CFAP299: variants seen among roughly 807,000 people sequenced by gnomAD.
The protein encoded by CFAP299 is cilia- and flagella-associated protein 299.
In CFAP299, 21 loss-of-function variants were observed where a neutral mutation model predicts 27.0. That is an observed-to-expected ratio of 0.78 (90% CI 0.55 to 1.12). CFAP299 has a LOEUF of 1.12. CFAP299 is among the 50% of genes most tolerant of loss of function. The probability of loss-of-function intolerance (pLI) is 0.00; values close to 1 mark genes in which losing one functional copy is unlikely to be tolerated. For synonymous variants in CFAP299, 104 were observed against 98.1 expected (o/e 1.06, Z -0.36); for missense variants, 310 against 276.6 (o/e 1.12, Z -0.86).
chr4:80,545,497 T>C (rs1047378961), intron 2 of CFAP299, among the ~76,000 whole-genome samples: 5 of 151,920 alleles, frequency 3.3e-5, no homozygotes, highest in Admixed American at 3.3e-4. Flanking sequence ...TTCGAAAACC[T>C]AGAAGAAATT....
chr4:80,732,605 C>T (rs1360927856), intron 3 of CFAP299, among the ~76,000 whole-genome samples: 1 of 152,124 alleles, frequency 6.6e-6, no homozygotes, highest in Non-Finnish European at 1.5e-5. Context: ...TTCCTTCCAT[C>T]ACAAACTCTT....
At chr4:80,763,131 G>A (rs913689841) in intron 3 of CFAP299, among the ~76,000 whole-genome samples, 5 of 152,146 alleles carry the variant, frequency 3.3e-5, no homozygotes, top group African/African-American at 9.7e-5. Flanking sequence ...AAGAAGTAAA[G>A]TGTATTTAAA....
rs187115748 is a variant in CFAP299 at position 80,789,811 on chromosome 4, A to T, written c.334-80182A>T. ...TCTCATCAAGCATAAACATTTATTAATCTGCTCAGATATTTTAAAGCTGTG... is the reference window on the plus strand; with the variant it reads ...TCTCATCAAGCATAAACATTTATTATTCTGCTCAGATATTTTAAAGCTGTG... On this transcript the variant is annotated intron_variant, in intron 3 of 5. Transcript: ENST00000358105. Among the ~76,000 whole-genome samples the T allele has an allele frequency of 3.3e-5, 5 of 152,130 alleles. No homozygotes were observed. In the East Asian group the frequency reaches 9.7e-4, roughly 29 times the overall value.
At chr4:80,503,052 GAGGCAGAAGAGCAAGCA>G (rs1380221593) in intron 2 of CFAP299, among the ~76,000 whole-genome samples, 1 of 152,122 alleles carries the variant, frequency 6.6e-6, no homozygotes, top group Non-Finnish European at 1.5e-5. Context: ...ATGTTATCGA[GAGGCAGAAGAGCAAGCA>G]AGGTTCCTGC....
intron 3 of CFAP299, among the ~76,000 whole-genome samples, chr4:80,733,141 T>C (rs1213798912): frequency 6.6e-6 from 1 of 152,226 alleles, no homozygotes; most frequent in African/African-American, 2.4e-5. Context: ...TGAAAGCCTA[T>C]GAATGGATAT....
chr4:80,377,158 G>A (rs1273838522), intron 2 of CFAP299, among the ~76,000 whole-genome samples: 6 of 152,050 alleles, frequency 3.9e-5, no homozygotes, highest in Admixed American at 3.9e-4. Flanking sequence ...TCATGTGTGT[G>A]TGTATTTCTG....
chr4:80,497,521 A>G (rs1300412437), intron 2 of CFAP299, among the ~76,000 whole-genome samples: 2 of 152,314 alleles, frequency 1.3e-5, no homozygotes, highest in East Asian at 3.9e-4. Flanking sequence ...ATATATACAC[A>G]CACACATATT....
intron 4 of CFAP299, among the ~76,000 whole-genome samples, chr4:80,899,706 C>T (rs1021564222): frequency 1.3e-5 from 2 of 152,128 alleles, no homozygotes; most frequent in African/African-American, 2.4e-5. Flanking sequence ...CAGAAATACA[C>T]GGTGGTAAAA....
chr4:80,871,027 C>T (rs2110168654), intron 4 of CFAP299: 1 of 476,076 alleles, frequency 2.1e-6, no homozygotes, highest in African/African-American at 2.1e-5. Flanking sequence ...TTGTCTCAGC[C>T]TCCCATGCAG....
At chr4:80,680,628 A>T (rs1719777147) in intron 3 of CFAP299, among the ~76,000 whole-genome samples, 1 of 152,190 alleles carries the variant, frequency 6.6e-6, no homozygotes, top group African/African-American at 2.4e-5. Context: ...AGACTGAAGA[A>T]AAAAAGAGCA....
chr4:80,673,930 T>C (rs907393718), intron 3 of CFAP299, among the ~76,000 whole-genome samples: 2 of 151,784 alleles, frequency 1.3e-5, no homozygotes, highest in African/African-American at 4.8e-5. Flanking sequence ...GCACATGGGA[T>C]GGGTCTCCTG....
intron 3 of CFAP299, among the ~76,000 whole-genome samples, chr4:80,737,370 C>T (rs1452460748): frequency 6.6e-6 from 1 of 151,944 alleles, no homozygotes; most frequent in Admixed American, 6.6e-5. Flanking sequence ...GGTATTATTT[C>T]TTCTTTAAAA....
chr4:80,752,418 A>G (rs1459201052), intron 3 of CFAP299, among the ~76,000 whole-genome samples: 2 of 146,538 alleles, frequency 1.4e-5, no homozygotes, highest in East Asian at 1.9e-4. Flanking sequence ...ATATATATAC[A>G]CATATATATA....
intron 2 of CFAP299, among the ~76,000 whole-genome samples, chr4:80,410,912 T>C (rs545219009): frequency 6.6e-5 from 10 of 152,164 alleles, no homozygotes; most frequent in African/African-American, 9.7e-5. Flanking sequence ...TACTGGCAGC[T>C]TTTGTTAATA....
intron 4 of CFAP299, among the ~76,000 whole-genome samples, chr4:80,919,047 G>T (rs1282941538): frequency 1.3e-5 from 2 of 152,092 alleles, no homozygotes; most frequent in African/African-American, 4.8e-5. Context: ...TGCTGGGTTT[G>T]TAAGTTATGT....
intron 3 of CFAP299, among the ~76,000 whole-genome samples, chr4:80,768,688 C>T (rs892715054): frequency 2.0e-5 from 3 of 152,096 alleles, no homozygotes; most frequent in African/African-American, 7.2e-5. Context: ...GAACTGAATA[C>T]ATTATATAGA....
At chr4:80,377,430 T>G (rs998166088) in intron 2 of CFAP299, among the ~76,000 whole-genome samples, 14 of 152,190 alleles carry the variant, frequency 9.2e-5, no homozygotes, top group Admixed American at 5.2e-4. Context: ...TGACTGTATA[T>G]GTACCTGTCT....
At chr4:80,394,855 A>C (rs936769482) in intron 2 of CFAP299, among the ~76,000 whole-genome samples, 5 of 151,922 alleles carry the variant, frequency 3.3e-5, no homozygotes, top group Non-Finnish European at 7.4e-5. Context: ...AAATCAGGTG[A>C]TGTGATACCT....
At chr4:80,868,416 C>T (rs1493182) in intron 3 of CFAP299, among the ~76,000 whole-genome samples, 54,704 of 152,014 alleles carry the variant, frequency 0.36, 14,490 homozygotes, top group African/African-American at 0.75. Context: ...CGTACTGTTC[C>T]TGGATAATTC....
Sources: allele counts gnomAD v4.1 joint callset (sites outside exome capture counted in the v4.1 genomes callset), GRCh38; gene constraint gnomAD v4.1.1; transcripts MANE v1.5; gene names NCBI Gene and HGNC (gene_info 2026-07-23, HGNC 2026-07-21).